LPIN2: variants seen among roughly 807,000 people sequenced by gnomAD.
The protein encoded by LPIN2 is phosphatidate phosphatase LPIN2.
A neutral mutation model predicts 111.4 loss-of-function variants in LPIN2; 55 were observed. The observed-to-expected ratio is 0.49, with a 90% CI of 0.40 to 0.62. LPIN2 has a LOEUF of 0.62. LPIN2 is among the 20% of genes least tolerant of loss of function. LPIN2 has a pLI of 0.00. For missense variants in LPIN2, 992 were observed against 1,112.1 expected (o/e 0.89, Z 1.54); for synonymous variants, 425 against 414.0 (o/e 1.03, Z -0.32).
At chr18:2,947,432 T>C (rs2077470516) in intron 4 of LPIN2, among the ~76,000 whole-genome samples, 2 of 152,160 alleles carry the variant, frequency 1.3e-5, no homozygotes, top group African/African-American at 2.4e-5. Flanking sequence ...CCAACGCCCA[T>C]CTTTAGGAAG....
At chr18:3,011,475 G>A (rs1406507948) in intron 1 of LPIN2, among the ~76,000 whole-genome samples, 5 of 151,982 alleles carry the variant, frequency 3.3e-5, no homozygotes, top group East Asian at 1.9e-4. Flanking sequence ...ACCTGAGGTC[G>A]GCAGTTCGAG....
At chr18:2,959,468 C>A (rs1279392001) in intron 2 of LPIN2, among the ~76,000 whole-genome samples, 2 of 152,110 alleles carry the variant, frequency 1.3e-5, no homozygotes, top group South Asian at 4.1e-4. Context: ...TAGGTCTGTG[C>A]CAGAAAATGG....
At chr18:2,945,880 CT>C in intron 4 of LPIN2, 1 of 1,449,878 alleles carries the variant, frequency 6.9e-7, no homozygotes, top group Non-Finnish European at 9.7e-7. Context: ...TTCCCAGCAT[CT>C]TTTTTAGTCC....
chr18:2,941,122 G>A (rs923109594), intron 4 of LPIN2, among the ~76,000 whole-genome samples: 1 of 152,126 alleles, frequency 6.6e-6, no homozygotes, highest in Non-Finnish European at 1.5e-5. Context: ...GGAAGTAGTT[G>A]GATTCAAAAC....
chr18:3,012,488 C>A (rs910815906), intron 1 of LPIN2, among the ~76,000 whole-genome samples: 2 of 86,948 alleles, frequency 2.3e-5, no homozygotes, highest in African/African-American at 1.5e-4. Flanking sequence ...AGATCTGCAC[C>A]GGGGGCTGGG....
At chr18:3,004,016 C>T (rs1328160731) in intron 1 of LPIN2, among the ~76,000 whole-genome samples, 1 of 150,600 alleles carries the variant, frequency 6.6e-6, no homozygotes, top group Non-Finnish European at 1.5e-5. Context: ...TTGTCTTATG[C>T]AGTTGAGATA....
rs73375270 is a variant in LPIN2, at chr18:2,940,791, C to G, written c.591-79G>C. 8.0e-3 allele frequency: 6,425 copies of G among 804,444 alleles called. 291 individuals carry two copies. The African/African-American group carries it at 0.095, about 12-fold the overall frequency. The allele number at this position is 804,444 out of a possible 1,614,324, so 49.8% of individuals were successfully genotyped here. On this transcript the variant is annotated intron_variant, in intron 4 of 19. Transcript: ENST00000677752. ...AAAATATCCCCCAAACCTACTGATACTACAAACAATCAAAATGAAGAGGGG... is the reference window on the plus strand; with the variant it reads ...AAAATATCCCCCAAACCTACTGATAGTACAAACAATCAAAATGAAGAGGGG...
intron 1 of LPIN2, among the ~76,000 whole-genome samples, chr18:2,991,472 G>A (rs1469023088): frequency 2.6e-5 from 4 of 151,662 alleles, no homozygotes; most frequent in Non-Finnish European, 4.4e-5. Flanking sequence ...ACACTGGGGC[G>A]GACTAAGGTG....
rs34050872 is a variant in LPIN2 at position 3,005,676 on chromosome 18, T to TACACACACACAC, written c.-10+7399_-10+7410dup. Among the ~76,000 whole-genome samples the TACACACACACAC allele has an allele frequency of 2.2e-3, 329 of 147,020 alleles. 3 individuals are homozygous for TACACACACACAC. In the Middle Eastern group the frequency reaches 0.028, roughly 13 times the overall value. ...TGGACAACAGAGCAAGACACTATCT[T>TACACACACACAC]ACACACACACACACACACACACACA... On this transcript the variant is annotated intron_variant, in intron 1 of 19. Coordinates refer to ENST00000677752, the MANE Select transcript of LPIN2 (RefSeq NM_001375808.2).
At chr18:2,990,883 T>A (rs2078255510) in intron 1 of LPIN2, 2 of 526,258 alleles carry the variant, frequency 3.8e-6, no homozygotes, top group Non-Finnish European at 3.7e-6. Flanking sequence ...TCCAGTCTTC[T>A]GGGTCCTCCT....
intron 1 of LPIN2, among the ~76,000 whole-genome samples, chr18:2,976,075 T>C (rs1001210728): frequency 2.6e-5 from 4 of 152,206 alleles, no homozygotes; most frequent in African/African-American, 9.6e-5. Context: ...AGGTTCTATG[T>C]CTAGGGAAGG....
chr18:2,939,059 T>G (rs564153498), intron 6 of LPIN2, among the ~76,000 whole-genome samples: 1 of 152,262 alleles, frequency 6.6e-6, no homozygotes, highest in African/African-American at 2.4e-5. Context: ...TACTTGAAAG[T>G]CTGGTGTGGG....
intron 1 of LPIN2, among the ~76,000 whole-genome samples, chr18:2,975,554 G>A (rs564925497): frequency 6.6e-6 from 1 of 152,076 alleles, no homozygotes; most frequent in Non-Finnish European, 1.5e-5. Context: ...AGCTGGTCTC[G>A]AACTCCTCAC....
chr18:2,931,595 GT>G, intron 8 of LPIN2, 152 bp from the exon 9 acceptor site: 1 of 729,080 alleles, frequency 1.4e-6, no homozygotes, highest in Non-Finnish European at 2.4e-6. Context: ...CTTAGATAGG[GT>G]TTAGAATCAT....
intron 4 of LPIN2, among the ~76,000 whole-genome samples, chr18:2,943,372 G>A (rs1417976128): frequency 6.6e-6 from 1 of 151,808 alleles, no homozygotes; most frequent in East Asian, 1.9e-4. Context: ...GGCTCCTTAA[G>A]AAGTAAGAAA....
chr18:2,955,941 AAAAC>A (rs1489158040), intron 2 of LPIN2, among the ~76,000 whole-genome samples: 3 of 152,266 alleles, frequency 2.0e-5, no homozygotes, highest in Non-Finnish European at 2.9e-5. Context: ...AAACAAAACA[AAAAC>A]AAACAAAAAA....
rs181362572 is a variant in LPIN2 at position 2,961,630 on chromosome 18, G to C, written c.-9-781C>G. Among the ~76,000 whole-genome samples, 167 of 152,294 alleles carry C rather than the reference G, an allele frequency of 1.1e-3. 1 individual carries two copies. The highest frequency in any genetic ancestry group is 1.9e-4 in the East Asian group (1 of 5,190). ...AGGAGAGGAAGTACAGCTAAAGCCAGGGGTGGCTTTATTGCCTTGGCCCCA... is the reference window on the plus strand; with the variant it reads ...AGGAGAGGAAGTACAGCTAAAGCCACGGGTGGCTTTATTGCCTTGGCCCCA... On this transcript the variant is annotated intron_variant, in intron 1 of 19. Coordinates refer to ENST00000677752, the MANE Select transcript of LPIN2 (RefSeq NM_001375808.2).
rs545258072 is a variant in LPIN2, at chr18:2,980,843, G to A, written c.-9-19994C>T. The stretch of plus-strand genomic sequence containing the variant: ...CTGCAGAAAAGCTCCAATTCTATAA[G>A]CATTTCTGAGGATTACAAGTTTGGC... On this transcript the variant is annotated intron_variant, in intron 1 of 19. Transcript: ENST00000677752. Among the ~76,000 whole-genome samples the A allele has an allele frequency of 2.6e-5, 4 of 152,264 alleles. No individual in the cohort carries two copies. In the South Asian group the frequency reaches 8.3e-4, roughly 32 times the overall value.
intron 4 of LPIN2, chr18:2,946,662 G>A: frequency 1.6e-6 from 1 of 641,082 alleles, no homozygotes; most frequent in Non-Finnish European, 2.8e-6. Context: ...AAAATCAATT[G>A]AATGCCAAAA....
Sources: allele counts gnomAD v4.1 joint callset (sites outside exome capture counted in the v4.1 genomes callset), GRCh38; gene constraint gnomAD v4.1.1; transcripts MANE v1.5; gene names NCBI Gene and HGNC (gene_info 2026-07-23, HGNC 2026-07-21).